SPATA13: variants seen among roughly 807,000 people sequenced by gnomAD.
The protein encoded by SPATA13 is spermatogenesis associated 13, also known as spermatogenesis-associated protein 13.
In SPATA13, 50 loss-of-function variants were observed where a neutral mutation model predicts 104.0. The observed-to-expected ratio is 0.48, with a 90% CI of 0.38 to 0.61. The LOEUF (loss-of-function observed/expected upper bound fraction) is 0.61. Among genes scored for constraint, SPATA13 ranks in the 20% least tolerant of loss-of-function variants. SPATA13 has a pLI of 0.00. For missense variants in SPATA13, 1,524 were observed against 1,690.6 expected, an observed-to-expected ratio of 0.90 and a Z score of 1.73; for synonymous variants, 606 against 667.5, an observed-to-expected ratio of 0.91 and a Z score of 1.42.
chr13:24,262,958 T>A (rs772030275), intron 4 of SPATA13, among the ~76,000 whole-genome samples: 25 of 151,468 alleles, frequency 1.7e-4, no homozygotes, highest in Admixed American at 6.6e-5. Context: ...CAGGTTATTT[T>A]AAAAAAAAAG....
At chr13:24,263,236 A>G (rs1023427154) in intron 4 of SPATA13, among the ~76,000 whole-genome samples, 2 of 152,162 alleles carry the variant, frequency 1.3e-5, no homozygotes, top group Non-Finnish European at 2.9e-5. Flanking sequence ...ATTTTCTTTC[A>G]ATAAAGAATC....
chr13:24,040,456 C>G (rs2094114), intron 3 of SPATA13, among the ~76,000 whole-genome samples: 75,227 of 151,546 alleles, frequency 0.5, 21,102 homozygotes, highest in East Asian at 0.64. Context: ...CACAGCACCG[C>G]CCTTGACAGG....
rs559277055 is a variant in SPATA13 at position 24,211,997 on chromosome 13, T to A, written c.-111-10822T>A. 8.5e-5 allele frequency among the ~76,000 whole-genome samples: 13 copies of A among 152,254 alleles called. No homozygotes were observed. In the East Asian group the frequency reaches 2.5e-3, roughly 29 times the overall value. ...GGAGCTCTCTGATGGCTGAACCTCA[T>A]CAGCTGTTCGCCATTCCCCTACTAG... On this transcript the variant is annotated intron_variant, in intron 1 of 12. Transcript: ENST00000382108.
At chr13:24,257,076 C>G (rs914877949) in intron 4 of SPATA13, among the ~76,000 whole-genome samples, 20 of 152,238 alleles carry the variant, frequency 1.3e-4, no homozygotes, top group Non-Finnish European at 2.5e-4. Context: ...TGGGTTCCAA[C>G]CATACTTCTT....
chr13:23,987,105 G>T (rs369367554), intron 2 of SPATA13, among the ~76,000 whole-genome samples: 1 of 128,194 alleles, frequency 7.8e-6, no homozygotes, highest in East Asian at 2.3e-4. Context: ...TGAACTAGAG[G>T]ATTGAAACCT....
At chr13:24,038,474 G>T (rs1397360427) in intron 3 of SPATA13, among the ~76,000 whole-genome samples, 3 of 152,204 alleles carry the variant, frequency 2.0e-5, no homozygotes, top group African/African-American at 7.2e-5. Flanking sequence ...GTTAGTACCA[G>T]GGAAGCAGGA....
intron 3 of SPATA13, among the ~76,000 whole-genome samples, chr13:24,064,528 C>G (rs1878882782): frequency 6.6e-6 from 1 of 151,970 alleles, no homozygotes; most frequent in Admixed American, 6.6e-5. Flanking sequence ...TATAAAAGAG[C>G]CCCCAGAGAA....
chr13:24,226,731 A>G (rs1039053415), intron 2 of SPATA13, among the ~76,000 whole-genome samples: 1 of 152,230 alleles, frequency 6.6e-6, no homozygotes, highest in Non-Finnish European at 1.5e-5. Context: ...CTACAGATGA[A>G]TGATTGCACA....
At chr13:23,989,531 C>A (rs1162007562) in intron 2 of SPATA13, among the ~76,000 whole-genome samples, 1 of 152,066 alleles carries the variant, frequency 6.6e-6, no homozygotes, top group Non-Finnish European at 1.5e-5. Flanking sequence ...TATTAAATAT[C>A]ATTTGCTAAG....
intron 4 of SPATA13, chr13:24,270,758 C>T (rs1380779851): frequency 8.8e-6 from 14 of 1,590,554 alleles, no homozygotes; most frequent in Admixed American, 3.6e-5. Context: ...CTGCAGTTCC[C>T]GTAGCTGCCA....
Position 24,249,544 on chromosome 13 carries a change from C to T in SPATA13, c.1721C>T (p.Thr574Ile), listed in dbSNP as rs1873355854. 16 of 1,612,804 alleles carry T rather than the reference C, an allele frequency of 9.9e-6. No individual in the cohort carries two copies. The highest frequency in any genetic ancestry group is 1.3e-5 in the Non-Finnish European group (15 of 1,179,362). Reference protein sequence around the residue: ...QDEERTEAQRTPKRRWGSGRR... With the variant: ...QDEERTEAQRIPKRRWGSGRR... ...GAGGAAAGGACAGAGGCACAGAGAA[C>T]CCCCAAGAGGAGATGGGGCTCTGGG... is the stretch of plus-strand genomic sequence containing the variant. Residue 574 changes from threonine (T) to isoleucine (I), a missense_variant, in exon 3 of 13, where the codon ACC becomes ATC. Around this residue, in one of 2 missense-constraint regions of SPATA13, gnomAD observed 1,089 missense variants for 1,135.9 expected, o/e 0.96. Coordinates refer to ENST00000382108, the MANE Select transcript of SPATA13 (RefSeq NM_001166271.3).
At chr13:24,142,160 T>C (rs1287289418) in intron 3 of SPATA13, among the ~76,000 whole-genome samples, 1 of 151,914 alleles carries the variant, frequency 6.6e-6, no homozygotes, top group East Asian at 2.0e-4. Context: ...AGGGGTCTTA[T>C]GTATCCTTCT....
chr13:24,138,194 C>T (rs553646338), intron 3 of SPATA13, among the ~76,000 whole-genome samples: 5 of 151,758 alleles, frequency 3.3e-5, no homozygotes, highest in African/African-American at 1.2e-4. Context: ...GTAATCCCAG[C>T]TACTCGGGAG....
At chr13:24,277,270 A>C (rs7981510) in intron 4 of SPATA13, among the ~76,000 whole-genome samples, 40,786 of 151,436 alleles carry the variant, frequency 0.27, 5,984 homozygotes, top group African/African-American at 0.38. Context: ...TGGTGAAACC[A>C]CGTCTCTACT....
rs1235689756 is a variant in SPATA13, at chr13:24,249,540, A to C, written c.1717A>C (p.Arg573=). 2 of 1,612,270 alleles carry C rather than the reference A, an allele frequency of 1.2e-6. No individual in the cohort carries two copies. The highest frequency in any genetic ancestry group is 1.7e-6 in the Non-Finnish European group (2 of 1,179,132). ...GGATGAGGAAAGGACAGAGGCACAG[A>C]GAACCCCCAAGAGGAGATGGGGCTC... The part of the protein sequence containing the change: ...SQDEERTEAQ[R]TPKRRWGSGR... The change falls in exon 3 of 13, where the codon AGA becomes CGA. Residue 573 remains arginine, a synonymous_variant. Transcript: ENST00000382108.
At chr13:23,985,642 A>G (rs979522388) in intron 2 of SPATA13, among the ~76,000 whole-genome samples, 8 of 152,258 alleles carry the variant, frequency 5.3e-5, no homozygotes, top group African/African-American at 1.9e-4. Context: ...AGGAAATATA[A>G]GAGGGACTGG....
chr13:24,284,490 G>A (rs899674105), intron 5 of SPATA13, among the ~76,000 whole-genome samples: 1 of 152,100 alleles, frequency 6.6e-6, no homozygotes, highest in Non-Finnish European at 1.5e-5. Flanking sequence ...GTGAAACCCT[G>A]TCTCTACTAA....
intron 2 of SPATA13, among the ~76,000 whole-genome samples, chr13:24,236,076 G>A (rs1361658400): frequency 1.3e-5 from 2 of 152,142 alleles, no homozygotes; most frequent in East Asian, 3.8e-4. Flanking sequence ...GAGGGGTGGG[G>A]TCGGGCCTGC....
At chr13:24,101,877 G>A (rs1593329824) in intron 3 of SPATA13, among the ~76,000 whole-genome samples, 1 of 152,150 alleles carries the variant, frequency 6.6e-6, no homozygotes, top group Non-Finnish European at 1.5e-5. Context: ...TTGCCCATTG[G>A]TCCATTGATG....
Sources: gnomAD v4.1 joint callset for allele counts (sites outside exome capture counted in the v4.1 genomes callset) on GRCh38, gnomAD v4.1.1 for gene constraint, gnomAD v4.1.1 regional missense constraint, MANE v1.5 for transcripts, NCBI Gene and HGNC (gene_info 2026-07-23, HGNC 2026-07-21) for gene names.